Variants in AGAP1 observed in about 807,000 individuals in gnomAD.
AGAP1 encodes the protein arf-GAP with GTPase, ANK repeat and PH domain-containing protein 1.
In AGAP1, 29 loss-of-function variants were observed where a neutral mutation model predicts 105.3. That is an observed-to-expected ratio of 0.28 (90% confidence interval 0.21 to 0.38). The LOEUF (loss-of-function observed/expected upper bound fraction) is 0.38. Among genes scored for constraint, AGAP1 ranks in the 10% least tolerant of loss-of-function variants. The pLI, the probability that AGAP1 is intolerant of heterozygous loss-of-function variation, is 1.00. For missense variants in AGAP1, 998 were observed against 1,165.1 expected (o/e 0.86, Z 2.09); for synonymous variants, 509 against 485.9 (o/e 1.05, Z -0.63).
chr2:235,597,049 G>A (rs1013472263), intron 1 of AGAP1, among the ~76,000 whole-genome samples: 5 of 152,188 alleles, frequency 3.3e-5, no homozygotes, highest in East Asian at 1.9e-4. Context: ...TGCCTCTGCC[G>A]GTGGTCTTTG....
At position 235,904,038 on chromosome 2, in the gene AGAP1, T is replaced by G. The variant is rs549482305; in HGVS notation, c.1156-4700T>G. Among the ~76,000 whole-genome samples, 1 of 152,236 alleles carries G rather than the reference T, an allele frequency of 6.6e-6. No individual in the cohort carries two copies. Among genetic ancestry groups the G allele is most frequent in the South Asian group, 2.1e-4 (1 of 4,812 alleles). ...GAAAGCTATGGGTCTCTGACACGGC[T>G]CTCAATTGCTAGCAGGTTTCTCTCA... On this transcript the variant is annotated intron_variant, in intron 10 of 17. Transcript: ENST00000304032. The surrounding 1 kb of genome is among the most constrained non-coding windows in gnomAD (Gnocchi z 4.2).
intron 1 of AGAP1, among the ~76,000 whole-genome samples, chr2:235,542,057 T>G (rs769138829): frequency 1.3e-5 from 2 of 152,236 alleles, no homozygotes; most frequent in Non-Finnish European, 1.5e-5. Flanking sequence ...TTGTGAATGA[T>G]CAGGTTGTTC....
intron 1 of AGAP1, among the ~76,000 whole-genome samples, chr2:235,541,084 C>A (rs921709913): frequency 6.6e-6 from 1 of 152,176 alleles, no homozygotes; most frequent in Non-Finnish European, 1.5e-5. Context: ...CAGAAATTTT[C>A]TATCCTTATA....
At chr2:236,047,128 G>A (rs987109294) in intron 15 of AGAP1, among the ~76,000 whole-genome samples, 1 of 152,196 alleles carries the variant, frequency 6.6e-6, no homozygotes, top group Non-Finnish European at 1.5e-5. Context: ...GTAGTACTCA[G>A]TGTTGTGAGG....
At chr2:235,658,028 T>C (rs1947830464) in intron 1 of AGAP1, among the ~76,000 whole-genome samples, 1 of 152,186 alleles carries the variant, frequency 6.6e-6, no homozygotes, top group South Asian at 2.1e-4. Context: ...AGAACTAGGA[T>C]AACTAGGTGT....
chr2:235,831,251 CAGA>C (rs147341951), intron 9 of AGAP1, among the ~76,000 whole-genome samples: 7,637 of 151,482 alleles, frequency 0.05, 613 homozygotes, highest in African/African-American at 0.17. Flanking sequence ...CAAAGTTGAG[CAGA>C]AGGACACCCA....
intron 6 of AGAP1, among the ~76,000 whole-genome samples, chr2:235,791,078 A>G (rs1243005867): frequency 6.6e-6 from 1 of 152,250 alleles, no homozygotes; most frequent in Non-Finnish European, 1.5e-5. Flanking sequence ...AACACAGATC[A>G]TATGAAAACA....
At chr2:236,057,513 A>G (rs779304930) in intron 16 of AGAP1, among the ~76,000 whole-genome samples, 6 of 152,198 alleles carry the variant, frequency 3.9e-5, no homozygotes, top group Non-Finnish European at 2.9e-5. Context: ...TGAGAACTGT[A>G]AAATGTTGAG....
Position 235,623,430 on chromosome 2 carries a change from G to A in AGAP1, c.164-85749G>A, listed in dbSNP as rs966951324. 2.6e-5 allele frequency among the ~76,000 whole-genome samples: 4 copies of A among 152,206 alleles called. No homozygotes were observed. Among genetic ancestry groups the A allele is most frequent in the Admixed American group, 6.5e-5 (1 of 15,280 alleles). ...TTATTAGACTTCACTTGGTCTGCACGTGGTGGCTTTGGGATTTGCTGCTTC... is the reference window on the plus strand; with the variant it reads ...TTATTAGACTTCACTTGGTCTGCACATGGTGGCTTTGGGATTTGCTGCTTC... On this transcript the variant is annotated intron_variant, in intron 1 of 17. Transcript: ENST00000304032. The surrounding 1 kb of genome is among the most constrained non-coding windows in gnomAD (Gnocchi z 4.5).
intron 13 of AGAP1, among the ~76,000 whole-genome samples, chr2:235,999,581 T>C (rs1266018131): frequency 1.3e-5 from 2 of 150,966 alleles, no homozygotes; most frequent in Non-Finnish European, 3.0e-5. Context: ...CAATATGATA[T>C]GGTGGTGATG....
intron 10 of AGAP1, among the ~76,000 whole-genome samples, chr2:235,895,699 T>TTGGATGGATGGATGGATGGA (rs113317282): frequency 8.4e-6 from 1 of 118,908 alleles, no homozygotes; most frequent in Non-Finnish European, 2.0e-5. Flanking sequence ...CACTGGCTTG[T>TTGGATGGATGGATGGATGGA]TGGATGGATG....
In AGAP1 at chr2:235,747,937, C is replaced by T. The variant is rs1021269710; in HGVS notation, c.539-2417C>T. 1.3e-5 allele frequency among the ~76,000 whole-genome samples: 2 copies of T among 152,216 alleles called. No individual in the cohort carries two copies. The highest frequency in any genetic ancestry group is 2.4e-5 in the African/African-American group (1 of 41,452). On this transcript the variant is annotated intron_variant, in intron 5 of 17. Transcript: ENST00000304032. This position sits in a 1 kb window ranked among gnomAD's most constrained non-coding sequence, Gnocchi z 5.0. ...CCTGGGCTGGGGTGAGGCCTCCGCC[C>T]GCTGGCGGGAGGGGCAGCTCTGCCA...
rs1458594443 is a variant in AGAP1, at chr2:236,119,316, A to C, written c.2115-876A>C. On this transcript the variant is annotated intron_variant, in intron 16 of 17. Transcript: ENST00000304032. This position sits in a 1 kb window ranked among gnomAD's most constrained non-coding sequence, Gnocchi z 6.6. ...CCCAGGCCCTGGAACAGTTTCCCCCAAAAAACTCAGCCATTCCTGACATTC... is the reference window on the plus strand; with the variant it reads ...CCCAGGCCCTGGAACAGTTTCCCCCCAAAAACTCAGCCATTCCTGACATTC... Among the ~76,000 whole-genome samples, 3 of 151,948 alleles carry C rather than the reference A, an allele frequency of 2.0e-5. No individual in the cohort carries two copies. The highest frequency in any genetic ancestry group is 2.1e-4 in the South Asian group (1 of 4,818).
chr2:236,099,337 C>T (rs747457699), intron 16 of AGAP1, among the ~76,000 whole-genome samples: 8 of 151,916 alleles, frequency 5.3e-5, no homozygotes, highest in Non-Finnish European at 1.2e-4. Flanking sequence ...CGCCTGTAGT[C>T]CCAGCTGCTC....
Position 236,131,305 on chromosome 2 carries a change from C to T in AGAP1, c.*7183C>T, listed in dbSNP as rs1483021540. ...TTCTGCCAGCTTGGAATTTGGTTCT[C>T]ATCTTGCCACAGGGGTGCGTTTCCT... On this transcript the variant is annotated 3_prime_UTR_variant, in exon 18 of 18. Transcript: ENST00000304032. This position sits in a 1 kb window ranked among gnomAD's most constrained non-coding sequence, Gnocchi z 5.9. 1.3e-5 allele frequency: 2 copies of T among 152,226 alleles called. No individual in the cohort carries two copies. The highest frequency in any genetic ancestry group is 6.5e-5 in the Admixed American group (1 of 15,278). 9.4% of individuals were successfully genotyped at this position (152,226 alleles called of 1,614,324 possible).
intron 1 of AGAP1, among the ~76,000 whole-genome samples, chr2:235,594,151 C>T (rs1048891295): frequency 6.6e-6 from 1 of 152,086 alleles, no homozygotes; most frequent in African/African-American, 2.4e-5. Flanking sequence ...ATCTGATAGG[C>T]GTTTGCTTTT....
rs980199779 is a variant in AGAP1 at position 235,994,086 on chromosome 2, C to A, written c.1645+25463C>A. ...GGGACCCCCATTGGCTGTGTGTCCC[C>A]CAGCTTCTAATTCCTCTAGAATATC... On this transcript the variant is annotated intron_variant, in intron 13 of 17. Transcript: ENST00000304032. The surrounding 1 kb of genome is among the most constrained non-coding windows in gnomAD (Gnocchi z 4.4). 2.0e-5 allele frequency among the ~76,000 whole-genome samples: 3 copies of A among 152,086 alleles called. No individual in the cohort carries two copies. Among genetic ancestry groups the A allele is most frequent in the Admixed American group, 1.3e-4 (2 of 15,276 alleles).
rs937744988 is a variant in AGAP1 at position 235,883,045 on chromosome 2, C to T, written c.1051-300C>T. Reference sequence around the variant, plus strand: ...GCATCTTACCCAGGCTGGTCTCGAACTCTTGGGCTCAAACGATCCTTACAC... The same window carrying T: ...GCATCTTACCCAGGCTGGTCTCGAATTCTTGGGCTCAAACGATCCTTACAC... On this transcript the variant is annotated intron_variant, in intron 9 of 17. Transcript: ENST00000304032. This position sits in a 1 kb window ranked among gnomAD's most constrained non-coding sequence, Gnocchi z 4.5. Among the ~76,000 whole-genome samples, 11 of 151,840 alleles carry T rather than the reference C, an allele frequency of 7.2e-5. No homozygotes were observed. The highest frequency in any genetic ancestry group is 2.4e-4 in the African/African-American group (10 of 41,326).
intron 1 of AGAP1, among the ~76,000 whole-genome samples, chr2:235,637,324 G>A (rs1416194155): frequency 1.3e-5 from 2 of 152,174 alleles, no homozygotes; most frequent in East Asian, 3.9e-4. Context: ...CTGGGCTGGA[G>A]TACAGTGGCG....
Sources: allele counts gnomAD v4.1 joint callset (sites outside exome capture counted in the v4.1 genomes callset), GRCh38; gene constraint gnomAD v4.1.1; non-coding constraint Gnocchi (gnomAD v3.1); transcripts MANE v1.5; gene names NCBI Gene and HGNC (gene_info 2026-07-23, HGNC 2026-07-21).